Variants in FOXO3 observed in about 807,000 individuals in gnomAD.
FOXO3 encodes forkhead box protein O3.
In FOXO3, 4 loss-of-function variants were observed where a neutral mutation model predicts 41.9. That is an observed-to-expected ratio of 0.10 (90% CI 0.05 to 0.22). The LOEUF is 0.22. Among genes scored for constraint, FOXO3 ranks in the 10% least tolerant of loss-of-function variants. The pLI, the probability that FOXO3 is intolerant of heterozygous loss-of-function variation, is 1.00. For synonymous variants in FOXO3, 318 were observed against 389.3 expected (o/e 0.82, Z 2.16); for missense variants, 534 against 906.8 (o/e 0.59, Z 5.28).
rs142554221 is a variant in FOXO3, at chr6:108,578,317, T to A, written c.621+16488T>A. ...CACTCTTTTAAAGTCATTTGCTAAG[T>A]CTGTGGAATTATTCTGGTGATAGGA... On this transcript the variant is annotated intron_variant, in intron 1 of 2. Coordinates refer to ENST00000406360, the MANE Select transcript of FOXO3 (RefSeq NM_001455.4). 4.0e-3 allele frequency among the ~76,000 whole-genome samples: 612 copies of A among 152,348 alleles called. 1 individual carries two copies. The highest frequency in any genetic ancestry group is 6.0e-3 in the Non-Finnish European group (408 of 68,028).
intron 1 of FOXO3, among the ~76,000 whole-genome samples, chr6:108,564,106 A>G (rs1345759699): frequency 2.6e-5 from 4 of 152,142 alleles, no homozygotes; most frequent in Non-Finnish European, 5.9e-5. Context: ...TACCAATTCC[A>G]TTTCTGAGTG....
At chr6:108,645,413 T>G (rs1778367551) in intron 1 of FOXO3, among the ~76,000 whole-genome samples, 1 of 152,096 alleles carries the variant, frequency 6.6e-6, no homozygotes, top group Admixed American at 6.5e-5. Context: ...TCTTCGAGCC[T>G]TCTTTCCCAT....
chr6:108,579,283 G>C (rs944977808), intron 1 of FOXO3, among the ~76,000 whole-genome samples: 2 of 152,116 alleles, frequency 1.3e-5, no homozygotes, highest in African/African-American at 4.8e-5. Context: ...TTTCTTCTTG[G>C]GGGAGTGGGT....
chr6:108,661,654 G>C (rs1247680109), intron 1 of FOXO3, among the ~76,000 whole-genome samples: 1 of 152,124 alleles, frequency 6.6e-6, no homozygotes, highest in Non-Finnish European at 1.5e-5. Flanking sequence ...TACAGAGATG[G>C]TTTGGATATG....
chr6:108,607,317 C>T (rs971581487), intron 1 of FOXO3, among the ~76,000 whole-genome samples: 13 of 151,830 alleles, frequency 8.6e-5, no homozygotes, highest in Admixed American at 8.5e-4. Context: ...GGTGTGGTGG[C>T]GTGCACCTTT....
intron 1 of FOXO3, among the ~76,000 whole-genome samples, chr6:108,642,431 G>A (rs534590696): frequency 1.3e-5 from 2 of 152,166 alleles, no homozygotes; most frequent in East Asian, 1.9e-4. Flanking sequence ...TTTTGGCAAG[G>A]GGGACTGCTG....
At chr6:108,665,210 C>T (rs1562265015) in intron 2 of FOXO3, among the ~76,000 whole-genome samples, 1 of 152,106 alleles carries the variant, frequency 6.6e-6, no homozygotes, top group Non-Finnish European at 1.5e-5. Context: ...GCAGGTTGCC[C>T]TACTTGATGG....
intron 1 of FOXO3, among the ~76,000 whole-genome samples, chr6:108,652,093 C>G (rs1194565994): frequency 6.6e-6 from 1 of 152,148 alleles, no homozygotes; most frequent in African/African-American, 2.4e-5. Context: ...CCTGAATAGG[C>G]CTGCCAGGGA....
intron 1 of FOXO3, among the ~76,000 whole-genome samples, chr6:108,627,440 A>T (rs1777842338): frequency 1.3e-5 from 2 of 152,272 alleles, no homozygotes; most frequent in South Asian, 4.1e-4. Context: ...TAATGCAAAA[A>T]CAAACAAACA....
intron 1 of FOXO3, among the ~76,000 whole-genome samples, chr6:108,657,964 C>T (rs1318002759): frequency 1.3e-5 from 2 of 152,146 alleles, no homozygotes; most frequent in Non-Finnish European, 2.9e-5. Flanking sequence ...CACAGCATTC[C>T]CAGGATGTGA....
chr6:108,583,978 C>T (rs1417817070), intron 1 of FOXO3, among the ~76,000 whole-genome samples: 4 of 152,194 alleles, frequency 2.6e-5, no homozygotes, highest in African/African-American at 7.2e-5. Flanking sequence ...GTGGTGCTGG[C>T]TTCTGCAGCC....
intron 2 of FOXO3, among the ~76,000 whole-genome samples, chr6:108,674,471 T>C (rs1770499347): frequency 1.3e-5 from 2 of 152,224 alleles, no homozygotes; most frequent in Admixed American, 6.5e-5. Flanking sequence ...GTGTTTGATT[T>C]GATTTGAAGA....
chr6:108,612,860 A>G (rs764872816), intron 1 of FOXO3, among the ~76,000 whole-genome samples: 10 of 152,130 alleles, frequency 6.6e-5, no homozygotes, highest in Non-Finnish European at 1.0e-4. Flanking sequence ...TCAGTCTTTC[A>G]CTGTTAAGTA....
chr6:108,590,137 CTT>C (rs200489337), intron 1 of FOXO3, among the ~76,000 whole-genome samples: 2 of 144,076 alleles, frequency 1.4e-5, no homozygotes. Context: ...TAATTTAAAT[CTT>C]TTTTTTTTTT....
intron 1 of FOXO3, among the ~76,000 whole-genome samples, chr6:108,597,507 T>C (rs1367143098): frequency 2.0e-5 from 3 of 152,190 alleles, no homozygotes; most frequent in Non-Finnish European, 4.4e-5. Context: ...TGCTGCCTTG[T>C]GGTATTTGTA....
chr6:108,648,413 C>T (rs7762719), intron 1 of FOXO3, among the ~76,000 whole-genome samples: 5,406 of 152,240 alleles, frequency 0.036, 323 homozygotes, highest in African/African-American at 0.12. Flanking sequence ...GTAGATGAAA[C>T]ACTGAAAATG....
intron 1 of FOXO3, among the ~76,000 whole-genome samples, chr6:108,656,170 A>G (rs1778682619): frequency 6.7e-6 from 1 of 148,528 alleles, no homozygotes; most frequent in African/African-American, 2.4e-5. Flanking sequence ...GTTGTCTTTA[A>G]AGAAAAAAAA....
At chr6:108,582,902 C>T (rs1258889844) in intron 1 of FOXO3, among the ~76,000 whole-genome samples, 1 of 152,138 alleles carries the variant, frequency 6.6e-6, no homozygotes, top group Non-Finnish European at 1.5e-5. Flanking sequence ...ACCTGGACTG[C>T]TTCCTGAGGG....
intron 1 of FOXO3, among the ~76,000 whole-genome samples, chr6:108,567,529 T>C (rs1775978430): frequency 6.6e-6 from 1 of 152,206 alleles, no homozygotes; most frequent in Admixed American, 6.5e-5. Context: ...TTAAAGATCA[T>C]CTAACTACCT....
Sources: gnomAD v4.1 joint callset for allele counts (sites outside exome capture counted in the v4.1 genomes callset) on GRCh38, gnomAD v4.1.1 for gene constraint, MANE v1.5 for transcripts, NCBI Gene and HGNC (gene_info 2026-07-23, HGNC 2026-07-21) for gene names.